The following PANX1 variants were observed in gnomAD, a reference collection of about 807,000 sequenced individuals.
PANX1 encodes the protein pannexin 1.
PANX1 carries 30 observed loss-of-function variants against 38.7 expected under a neutral mutation model. The observed-to-expected ratio is 0.78, with a 90% CI of 0.58 to 1.05. The LOEUF is 1.05. PANX1 is among the 50% of genes least tolerant of loss of function. The pLI is 0.00. For synonymous variants in PANX1, 230 were observed against 212.2 expected (o/e 1.08, Z -0.73); for missense variants, 551 against 517.2 (o/e 1.07, Z -0.63).
intron 2 of PANX1, 41 bp from the exon 3 acceptor site, chr11:94,178,328 G>T (rs1707448116): frequency 6.9e-7 from 1 of 1,456,004 alleles, no homozygotes; most frequent in Non-Finnish European, 9.6e-7. Flanking sequence ...TTACTGCATG[G>T]GGGGTTTGTT....
chr11:94,156,075 T>G (rs1946945800), intron 2 of PANX1, among the ~76,000 whole-genome samples: 1 of 136,602 alleles, frequency 7.3e-6, no homozygotes, highest in Admixed American at 7.5e-5. Context: ...GTCTAAGAGT[T>G]GGCAGGGGTG....
chr11:94,173,542 G>A lies in PANX1; in HGVS notation c.322-4827G>A, dbSNP rs146914671. Reference sequence around the variant, plus strand: ...TTATTTCACCTGAAGGTTCCACCCCGTCATGCCCTTGCATGAGCTACACAC... The same window carrying A: ...TTATTTCACCTGAAGGTTCCACCCCATCATGCCCTTGCATGAGCTACACAC... On this transcript the variant is annotated intron_variant, in intron 2 of 4. Transcript: ENST00000227638. 1.5e-4 allele frequency among the ~76,000 whole-genome samples: 23 copies of A among 151,514 alleles called. 1 individual carries two copies. The East Asian group carries it at 2.3e-3, about 15-fold the overall frequency.
chr11:94,173,273 T>G (rs889861560), intron 2 of PANX1, among the ~76,000 whole-genome samples: 2 of 151,706 alleles, frequency 1.3e-5, no homozygotes, highest in Non-Finnish European at 2.9e-5. Flanking sequence ...TCAGGCCTGT[T>G]CGTGGTCTTC....
chr11:94,161,156 C>G (rs1217451128), intron 2 of PANX1, among the ~76,000 whole-genome samples: 1 of 152,208 alleles, frequency 6.6e-6, no homozygotes, highest in African/African-American at 2.4e-5. Flanking sequence ...CTGCCCTTAA[C>G]ATTTTTTCCT....
At chr11:94,171,113 C>G (rs1167024718) in intron 2 of PANX1, among the ~76,000 whole-genome samples, 2 of 151,644 alleles carry the variant, frequency 1.3e-5, no homozygotes, top group African/African-American at 4.9e-5. Context: ...TGCTCATCCT[C>G]CTTCACCACC....
intron 2 of PANX1, among the ~76,000 whole-genome samples, chr11:94,162,463 T>G (rs1176676481): frequency 6.6e-6 from 1 of 152,218 alleles, no homozygotes; most frequent in Non-Finnish European, 1.5e-5. Flanking sequence ...CAGTTTGATC[T>G]CGACTGCTGT....
chr11:94,159,935 T>A (rs550302069), intron 2 of PANX1, among the ~76,000 whole-genome samples: 4 of 152,056 alleles, frequency 2.6e-5, no homozygotes, highest in African/African-American at 9.7e-5. Flanking sequence ...GTGTCTTTGT[T>A]CTCGTTGGTT....
At chr11:94,134,899 G>C (rs1384869097) in intron 1 of PANX1, among the ~76,000 whole-genome samples, 1 of 152,196 alleles carries the variant, frequency 6.6e-6, no homozygotes, top group Non-Finnish European at 1.5e-5. Flanking sequence ...CACCCAGTCT[G>C]TGGGATTTTC....
At position 94,137,655 on chromosome 11, in the gene PANX1, C is replaced by T. The variant is rs185959006; in HGVS notation, c.181+8162C>T. Reference sequence around the variant, plus strand: ...ACCATCTGCTTGGTACCAGGCACACCTAGTTCTGTGGGGGGTGAAAGGGGT... The same window carrying T: ...ACCATCTGCTTGGTACCAGGCACACTTAGTTCTGTGGGGGGTGAAAGGGGT... On this transcript the variant is annotated intron_variant, in intron 1 of 4. Coordinates refer to ENST00000227638, the MANE Select transcript of PANX1 (RefSeq NM_015368.4). 3.1e-3 allele frequency among the ~76,000 whole-genome samples: 420 copies of T among 135,392 alleles called. 3 individuals carry two copies. The highest frequency in any genetic ancestry group is 0.011 in the African/African-American group (394 of 34,546). 88.8% of individuals were successfully genotyped at this position (135,392 alleles called of 152,430 possible).
At chr11:94,160,820 C>T (rs1264077628) in intron 2 of PANX1, among the ~76,000 whole-genome samples, 3 of 152,144 alleles carry the variant, frequency 2.0e-5, no homozygotes, top group Admixed American at 6.5e-5. Flanking sequence ...TTCCTAGCCT[C>T]GATGGTCTTT....
At position 94,181,873 on chromosome 11, in the gene PANX1, A is replaced by G. The variant is rs991730155; in HGVS notation, c.*1004A>G. On this transcript the variant is annotated 3_prime_UTR_variant, in exon 5 of 5. Coordinates refer to ENST00000227638, the MANE Select transcript of PANX1 (RefSeq NM_015368.4). ...TAAGCACAGCTTTAAAAAATTCATTATCGTTTATTCAGTGTCCGAATTGAG... is the reference window on the plus strand; with the variant it reads ...TAAGCACAGCTTTAAAAAATTCATTGTCGTTTATTCAGTGTCCGAATTGAG... 6.6e-6 allele frequency: 1 copy of G among 152,210 alleles called. No individual in the cohort carries two copies. The highest frequency in any genetic ancestry group is 2.4e-5 in the African/African-American group (1 of 41,460). The allele number at this position is 152,210 out of a possible 1,614,324, so 9.4% of individuals were successfully genotyped here.
At chr11:94,142,794 GCTGAGTGC>G (rs1398297472) in intron 1 of PANX1, among the ~76,000 whole-genome samples, 1 of 152,232 alleles carries the variant, frequency 6.6e-6, no homozygotes, top group African/African-American at 2.4e-5. Context: ...ACACAGTTGA[GCTGAGTGC>G]CTTAGGGAGA....
At chr11:94,153,774 C>A (rs951023874) in intron 2 of PANX1, 144 bp downstream of exon 2, 1 of 715,426 alleles carries the variant, frequency 1.4e-6, no homozygotes, top group South Asian at 2.1e-5. Flanking sequence ...ACCTTATAGT[C>A]AAAAAGAACC....
At chr11:94,169,491 C>T (rs1475242146) in intron 2 of PANX1, among the ~76,000 whole-genome samples, 1 of 151,534 alleles carries the variant, frequency 6.6e-6, no homozygotes, top group East Asian at 1.9e-4. Flanking sequence ...ACCCAGTGTG[C>T]CCTAAACTGT....
At chr11:94,131,677 G>A (rs1419826300) in intron 1 of PANX1, among the ~76,000 whole-genome samples, 3 of 152,196 alleles carry the variant, frequency 2.0e-5, no homozygotes, top group African/African-American at 7.2e-5. Context: ...GTGGGATGAA[G>A]CTAACAGGAC....
chr11:94,180,926 G>A lies in PANX1; in HGVS notation c.*57G>A. The A allele has an allele frequency of 2.0e-6, 2 of 982,154 alleles. No individual in the cohort carries two copies. Among genetic ancestry groups the A allele is most frequent in the Admixed American group, 3.4e-5 (2 of 58,718 alleles). 60.8% of individuals were successfully genotyped at this position (982,154 alleles called of 1,614,324 possible). On this transcript the variant is annotated 3_prime_UTR_variant, in exon 5 of 5. Transcript: ENST00000227638. The stretch of plus-strand genomic sequence containing the variant: ...CTTCTGCGACATGGGATTTAATTTG[G>A]CTAAAGCACCCCTGTTGGTTTCACA...
At chr11:94,159,251 A>C (rs566365410) in intron 2 of PANX1, among the ~76,000 whole-genome samples, 99 of 152,154 alleles carry the variant, frequency 6.5e-4, no homozygotes, top group Non-Finnish European at 1.3e-3. Context: ...TGGTATCAGG[A>C]TGATGCTGGC....
chr11:94,146,256 G>T (rs796530775), intron 1 of PANX1, among the ~76,000 whole-genome samples: 3 of 152,196 alleles, frequency 2.0e-5, no homozygotes, highest in Non-Finnish European at 2.9e-5. Flanking sequence ...AAAGGATTAC[G>T]TGAGTCCATA....
intron 2 of PANX1, among the ~76,000 whole-genome samples, chr11:94,158,389 G>A (rs1331137466): frequency 1.3e-5 from 2 of 152,180 alleles, no homozygotes; most frequent in Non-Finnish European, 2.9e-5. Context: ...AGCATGGAAC[G>A]TTCTTCCATT....
Sources: gnomAD v4.1 joint callset for allele counts (sites outside exome capture counted in the v4.1 genomes callset) on GRCh38, gnomAD v4.1.1 for gene constraint, MANE v1.5 for transcripts, NCBI Gene and HGNC (gene_info 2026-07-23, HGNC 2026-07-21) for gene names.